UST: variants seen among roughly 807,000 people sequenced by gnomAD.
The protein encoded by UST is chondroitin sulfate 2-O-sulfotransferase.
UST carries 21 observed loss-of-function variants against 45.6 expected under a neutral mutation model. The observed-to-expected ratio is 0.46, with a 90% CI of 0.33 to 0.66. UST has a LOEUF of 0.66. Ranked by LOEUF, UST falls within the 30% of genes least tolerant of loss-of-function variation. UST has a pLI of 0.02. For synonymous variants in UST, 215 were observed against 200.6 expected (o/e 1.07, Z -0.61); for missense variants, 463 against 512.4 (o/e 0.90, Z 0.93).
chr6:148,888,452 A>C (rs1157763309), intron 2 of UST, among the ~76,000 whole-genome samples: 1 of 152,212 alleles, frequency 6.6e-6, no homozygotes, highest in Admixed American at 6.5e-5. Context: ...ACTTTGGAAG[A>C]AGATATTTCT....
At chr6:148,828,646 G>A (rs1213832692) in intron 1 of UST, among the ~76,000 whole-genome samples, 1 of 152,122 alleles carries the variant, frequency 6.6e-6, no homozygotes, top group Non-Finnish European at 1.5e-5. Context: ...ATGGAGAGAG[G>A]ACTAAATGAA....
chr6:149,052,398 C>T (rs1163973228), intron 7 of UST, among the ~76,000 whole-genome samples: 1 of 152,176 alleles, frequency 6.6e-6, no homozygotes, highest in African/African-American at 2.4e-5. Flanking sequence ...TGTACTATTT[C>T]ATTTAATCCT....
chr6:148,813,181 C>G (rs1777291419), intron 1 of UST, among the ~76,000 whole-genome samples: 1 of 152,056 alleles, frequency 6.6e-6, no homozygotes, highest in South Asian at 2.1e-4. Context: ...TTTTACAAAG[C>G]ATGTAGTTGC....
intron 1 of UST, among the ~76,000 whole-genome samples, chr6:148,864,701 G>T (rs568889996): frequency 6.6e-6 from 1 of 152,326 alleles, no homozygotes; most frequent in African/African-American, 2.4e-5. Flanking sequence ...AATGTTATGT[G>T]TTGAGGCAAT....
At chr6:148,912,985 C>T (rs184335517) in intron 2 of UST, among the ~76,000 whole-genome samples, 1 of 152,304 alleles carries the variant, frequency 6.6e-6, no homozygotes, top group East Asian at 1.9e-4. Context: ...CAAGATTTGG[C>T]ATTTCTGACA....
chr6:148,909,251 A>C (rs1273722508), intron 2 of UST, among the ~76,000 whole-genome samples: 1 of 152,210 alleles, frequency 6.6e-6, no homozygotes, highest in Non-Finnish European at 1.5e-5. Context: ...CTGATCTTTA[A>C]TGGTAATCAT....
At chr6:148,772,820 T>C (rs1460234959) in intron 1 of UST, among the ~76,000 whole-genome samples, 3 of 152,242 alleles carry the variant, frequency 2.0e-5, no homozygotes. Context: ...ATATTTTGAA[T>C]GTCTTAAAAC....
At chr6:148,907,126 GA>G (rs777918548) in intron 2 of UST, among the ~76,000 whole-genome samples, 2 of 151,856 alleles carry the variant, frequency 1.3e-5, no homozygotes, top group South Asian at 4.2e-4. Flanking sequence ...TAATGTGAGA[GA>G]AAAAAAATCT....
intron 5 of UST, among the ~76,000 whole-genome samples, chr6:148,990,590 T>C (rs1781330092): frequency 6.6e-6 from 1 of 152,198 alleles, no homozygotes. Flanking sequence ...CAGAAAATTC[T>C]GGCTTGTGTT....
At chr6:149,055,059 G>T (rs748188448) in intron 7 of UST, among the ~76,000 whole-genome samples, 1 of 152,154 alleles carries the variant, frequency 6.6e-6, no homozygotes, top group Non-Finnish European at 1.5e-5. Context: ...CTGAAAGGAC[G>T]GCAGTCAGCC....
chr6:149,043,972 G>C lies in UST; in HGVS notation c.937+22491G>C, dbSNP rs184519253. 2.1e-3 allele frequency among the ~76,000 whole-genome samples: 313 copies of C among 152,300 alleles called. 1 individual carries two copies. Among genetic ancestry groups the C allele is most frequent in the African/African-American group, 7.3e-3 (305 of 41,558 alleles). The stretch of plus-strand genomic sequence containing the variant: ...TATAAGTAGATACAAAACCACATGT[G>C]TTATTAGTCTTGATCTTAGACCATA... On this transcript the variant is annotated intron_variant, in intron 7 of 7. Transcript: ENST00000367463.
chr6:148,918,233 C>T (rs1158943289), intron 2 of UST, among the ~76,000 whole-genome samples: 2 of 152,224 alleles, frequency 1.3e-5, no homozygotes, highest in Non-Finnish European at 2.9e-5. Context: ...AGAATCTTCA[C>T]TGAATGTTCT....
intron 1 of UST, among the ~76,000 whole-genome samples, chr6:148,818,180 C>T (rs527336735): frequency 9.4e-5 from 14 of 149,342 alleles, no homozygotes; most frequent in South Asian, 6.2e-4. Flanking sequence ...GAATGGAGCA[C>T]GTTCAAAACA....
intron 7 of UST, among the ~76,000 whole-genome samples, chr6:149,052,899 G>A (rs1392281878): frequency 2.6e-5 from 4 of 152,306 alleles, no homozygotes; most frequent in Admixed American, 1.3e-4. Flanking sequence ...TTTCAGTCAT[G>A]TCAGCAACTT....
At chr6:149,049,923 T>TCACACACACACA (rs1165179256) in intron 7 of UST, among the ~76,000 whole-genome samples, 219 of 102,936 alleles carry the variant, frequency 2.1e-3, no homozygotes, top group African/African-American at 7.3e-3. Context: ...TCTCTCTCTC[T>TCACACACACACA]CTCTCTCTCA....
intron 1 of UST, among the ~76,000 whole-genome samples, chr6:148,826,310 G>A (rs146376441): frequency 0.02 from 3,087 of 152,160 alleles, 45 homozygotes; most frequent in Middle Eastern, 0.048. Context: ...ATGGGGTTTC[G>A]CCATGTTGGC....
intron 5 of UST, among the ~76,000 whole-genome samples, chr6:149,007,897 G>A (rs1582956589): frequency 1.3e-5 from 2 of 152,270 alleles, no homozygotes; most frequent in East Asian, 1.9e-4. Flanking sequence ...TGAGAGCCCA[G>A]ATCTATTTGT....
At chr6:148,762,321 C>T (rs1199878059) in intron 1 of UST, among the ~76,000 whole-genome samples, 1 of 152,124 alleles carries the variant, frequency 6.6e-6, no homozygotes, top group Non-Finnish European at 1.5e-5. Flanking sequence ...TTTATTCAAG[C>T]ATCTTTGTCT....
At chr6:149,042,898 ACATGAGCCAC>A (rs1776334995) in intron 7 of UST, among the ~76,000 whole-genome samples, 1 of 152,030 alleles carries the variant, frequency 6.6e-6, no homozygotes, top group Non-Finnish European at 1.5e-5. Flanking sequence ...AGGATTATAG[ACATGAGCCAC>A]CACACCTGGC....
Sources: gnomAD v4.1 joint callset for allele counts (sites outside exome capture counted in the v4.1 genomes callset) on GRCh38, gnomAD v4.1.1 for gene constraint, MANE v1.5 for transcripts, NCBI Gene and HGNC (gene_info 2026-07-23, HGNC 2026-07-21) for gene names.